ROBO2: variants seen among roughly 807,000 people sequenced by gnomAD.
ROBO2 encodes the protein roundabout homolog 2.
Under a neutral mutation model 160.8 loss-of-function variants are expected in ROBO2, and 53 were observed. That is an observed-to-expected ratio of 0.33 (90% CI 0.26 to 0.41). The LOEUF is 0.41. ROBO2 is among the 10% of genes least tolerant of loss of function. The probability of loss-of-function intolerance (pLI) is 1.00; values close to 1 mark genes in which losing one functional copy is unlikely to be tolerated. For missense variants in ROBO2, 1,577 were observed against 1,722.4 expected (o/e 0.92, Z 1.49); for synonymous variants, 664 against 611.7 (o/e 1.09, Z -1.26).
intron 2 of ROBO2, among the ~76,000 whole-genome samples, chr3:76,419,964 T>A (rs2075920912): frequency 6.6e-6 from 1 of 152,126 alleles, no homozygotes; most frequent in Admixed American, 6.5e-5. Flanking sequence ...TTAAGTTAAC[T>A]TTTCTCTAGG....
intron 2 of ROBO2, among the ~76,000 whole-genome samples, chr3:76,756,851 A>C (rs181391548): frequency 2.1e-4 from 32 of 151,874 alleles, no homozygotes; most frequent in Non-Finnish European, 3.8e-4. Flanking sequence ...ATTTTTATGA[A>C]GTTCTTTAAA....
chr3:77,296,003 G>A (rs890017056), intron 2 of ROBO2, among the ~76,000 whole-genome samples: 7 of 149,488 alleles, frequency 4.7e-5, no homozygotes, highest in South Asian at 2.1e-4. Context: ...ATGGTTAAAC[G>A]GGAAGTTGAG....
upstream of ROBO2, among the ~76,000 whole-genome samples, chr3:77,038,979 C>G (rs2063807512): frequency 6.6e-6 from 1 of 152,186 alleles, no homozygotes; most frequent in East Asian, 1.9e-4. Flanking sequence ...CCCCCAAGCT[C>G]TGTGATCCCC....
chr3:77,629,515 A>T (rs554137767), intron 23 of ROBO2: 2 of 152,336 alleles, frequency 1.3e-5, no homozygotes, highest in Admixed American at 6.5e-5. Context: ...TAAGATGGAT[A>T]AATGAGGATG....
At chr3:75,968,478 CTTA>C (rs1448028340) in intron 2 of ROBO2, among the ~76,000 whole-genome samples, 3 of 151,382 alleles carry the variant, frequency 2.0e-5, no homozygotes, top group Admixed American at 1.3e-4. Context: ...AGTTTATTTA[CTTA>C]TTTTCATGGT....
chr3:77,153,634 C>A (rs1217868144), intron 2 of ROBO2, among the ~76,000 whole-genome samples: 1 of 152,102 alleles, frequency 6.6e-6, no homozygotes, highest in Non-Finnish European at 1.5e-5. Flanking sequence ...AAAGATGTCT[C>A]CTTACTAAAA....
At chr3:76,313,971 G>T (rs1315073590) in intron 2 of ROBO2, among the ~76,000 whole-genome samples, 1 of 152,122 alleles carries the variant, frequency 6.6e-6, no homozygotes, top group African/African-American at 2.4e-5. Context: ...CGAGCAGCAC[G>T]TAGCCAGACA....
chr3:77,060,242 T>G (rs950773950), intron 1 of ROBO2, among the ~76,000 whole-genome samples: 2 of 152,146 alleles, frequency 1.3e-5, no homozygotes. Flanking sequence ...GGTTGTCCTC[T>G]GAAATTATGC....
intron 2 of ROBO2, among the ~76,000 whole-genome samples, chr3:76,113,366 A>T (rs1331221411): frequency 6.6e-6 from 1 of 152,052 alleles, no homozygotes; most frequent in Non-Finnish European, 1.5e-5. Context: ...AAAAAATATC[A>T]AGCTGATTAT....
chr3:76,062,569 G>C (rs79703251), intron 2 of ROBO2, among the ~76,000 whole-genome samples: 1 of 152,040 alleles, frequency 6.6e-6, no homozygotes, highest in Non-Finnish European at 1.5e-5. Flanking sequence ...TCTTACTTGG[G>C]ATTAGCAACA....
chr3:76,838,105 C>T (rs2109462043), intron 2 of ROBO2, among the ~76,000 whole-genome samples: 1 of 152,132 alleles, frequency 6.6e-6, no homozygotes, highest in Middle Eastern at 3.4e-3. Flanking sequence ...GAGCTGGTGG[C>T]TATTATCCTC....
intron 2 of ROBO2, among the ~76,000 whole-genome samples, chr3:76,382,442 T>G (rs576893636): frequency 1.3e-5 from 2 of 152,072 alleles, no homozygotes; most frequent in South Asian, 2.1e-4. Context: ...CAAAATATTA[T>G]CCGGGCGCGG....
chr3:77,277,197 TTTC>T (rs2059924025), intron 2 of ROBO2, among the ~76,000 whole-genome samples: 1 of 134,344 alleles, frequency 7.4e-6, no homozygotes, highest in East Asian at 2.1e-4. Flanking sequence ...TCTTTCTTTC[TTTC>T]TTTCTTTCTT....
intron 2 of ROBO2, among the ~76,000 whole-genome samples, chr3:77,214,227 G>A (rs947076774): frequency 1.3e-5 from 2 of 152,162 alleles, no homozygotes; most frequent in Non-Finnish European, 2.9e-5. Flanking sequence ...TCTCTTTGTA[G>A]GTCTCTAAGG....
At chr3:76,290,406 A>T (rs1215010355) in intron 2 of ROBO2, among the ~76,000 whole-genome samples, 2 of 152,144 alleles carry the variant, frequency 1.3e-5, no homozygotes. Flanking sequence ...TATCAGATCT[A>T]TGAGCTTTTG....
intron 2 of ROBO2, among the ~76,000 whole-genome samples, chr3:76,753,984 T>G (rs2060825846): frequency 6.6e-6 from 1 of 151,886 alleles, no homozygotes; most frequent in African/African-American, 2.4e-5. Flanking sequence ...ATATAAAACC[T>G]ATATAAATCA....
chr3:77,553,143 T>G (rs543851954), intron 8 of ROBO2, among the ~76,000 whole-genome samples: 146 of 152,108 alleles, frequency 9.6e-4, no homozygotes, highest in African/African-American at 3.4e-3. Flanking sequence ...CTGTGTCACA[T>G]TTTGGTAATT....
chr3:77,473,466 T>C (rs1401973195), intron 2 of ROBO2, among the ~76,000 whole-genome samples: 1 of 52,788 alleles, frequency 1.9e-5, no homozygotes, highest in African/African-American at 7.1e-5. Context: ...TTTTTTTTTT[T>C]TTTTTTTTTT....
At chr3:76,783,187 G>C (rs2062760609) in intron 2 of ROBO2, among the ~76,000 whole-genome samples, 1 of 150,696 alleles carries the variant, frequency 6.6e-6, no homozygotes, top group South Asian at 2.1e-4. Flanking sequence ...TTATGATATT[G>C]ATGTCACAAT....
Sources: allele counts gnomAD v4.1 joint callset (sites outside exome capture counted in the v4.1 genomes callset), GRCh38; gene constraint gnomAD v4.1.1; transcripts MANE v1.5; gene names NCBI Gene and HGNC (gene_info 2026-07-23, HGNC 2026-07-21).